ZGPAT: variants seen among roughly 807,000 people sequenced by gnomAD.
ZGPAT encodes zinc finger CCCH-type and G-patch domain containing, also known as zinc finger CCCH-type with G patch domain-containing protein.
In ZGPAT, 39 loss-of-function variants were observed where a neutral mutation model predicts 47.9. The ratio of observed to expected loss-of-function variants is 0.81; its 90% CI spans 0.63 to 1.06. The LOEUF (loss-of-function observed/expected upper bound fraction) is 1.06, where lower values mean the gene tolerates loss of function less well. Ranked by LOEUF, ZGPAT falls within the 50% of genes least tolerant of loss-of-function variation. The pLI, the probability that ZGPAT is intolerant of heterozygous loss-of-function variation, is 0.00. For missense variants in ZGPAT, 717 were observed against 681.4 expected, an observed-to-expected ratio of 1.05 and a Z score of -0.58; for synonymous variants, 348 against 292.9, an observed-to-expected ratio of 1.19 and a Z score of -1.92.
chr20:63,731,405 G>A (rs1401019795), intron 2 of ZGPAT, among the ~76,000 whole-genome samples: 1 of 149,680 alleles, frequency 6.7e-6, no homozygotes. Flanking sequence ...GGCCCTTGGT[G>A]TGTGTGTATG....
intron 4 of ZGPAT, 173 bp downstream of exon 4, chr20:63,733,912 C>A: frequency 1.2e-6 from 1 of 800,390 alleles, no homozygotes; most frequent in Non-Finnish European, 1.9e-6. Flanking sequence ...CCGTGGCGGC[C>A]TTTATCTTCA....
At chr20:63,734,247 C>A in intron 4 of ZGPAT, 1 of 246,932 alleles carries the variant, frequency 4.0e-6, no homozygotes, top group African/African-American at 2.2e-5. Context: ...GTCACCTGAC[C>A]CAAGCATGGC....
At chr20:63,728,202 A>C (rs1379457701) in intron 2 of ZGPAT, among the ~76,000 whole-genome samples, 3 of 151,672 alleles carry the variant, frequency 2.0e-5, no homozygotes, top group African/African-American at 7.3e-5. Flanking sequence ...ATGCCTGGCT[A>C]ATTTTTTGTT....
intron 2 of ZGPAT, among the ~76,000 whole-genome samples, chr20:63,723,503 A>G (rs34675066): frequency 1.3e-5 from 1 of 74,794 alleles, no homozygotes; most frequent in Non-Finnish European, 2.7e-5. Context: ...TTCTCCTCTG[A>G]CATAGCTCCA....
intron 2 of ZGPAT, chr20:63,730,020 GCACACA>G (rs58067228): frequency 6.6e-6 from 1 of 151,224 alleles, no homozygotes; most frequent in Non-Finnish European, 1.5e-5. Context: ...ACTCTACTGC[GCACACA>G]CACACACACA....
In ZGPAT at chr20:63,709,161, G is replaced by T; in HGVS notation, c.581G>T (p.Cys194Phe). ...GGAAAGTGCCGCTTTAAGGAGAACTGCAGGTAAAGCCCTTTGTTGTCAGAT... is the reference window on the plus strand; with the variant it reads ...GGAAAGTGCCGCTTTAAGGAGAACTTCAGGTAAAGCCCTTTGTTGTCAGAT... ...LEGKCRFKENCRFSHGQVVSL... is the reference protein window; with the variant it reads ...LEGKCRFKENFRFSHGQVVSL... Residue 194 changes from cysteine to phenylalanine, a missense_variant, in exon 2 of 7, where the codon TGC becomes TTC. By Grantham distance (205) the Cys-to-Phe change is radical. Transcript: ENST00000355969. 1.2e-6 allele frequency: 2 copies of T among 1,609,078 alleles called. No homozygotes were observed. Among genetic ancestry groups the T allele is most frequent in the East Asian group, 2.2e-5 (1 of 44,880 alleles).
intron 2 of ZGPAT, among the ~76,000 whole-genome samples, chr20:63,724,363 T>TTA (rs375122843): frequency 7.4e-4 from 92 of 124,652 alleles, no homozygotes; most frequent in African/African-American, 2.6e-3. Flanking sequence ...AGACTCTGCC[T>TTA]AAAAAAAAAA....
chr20:63,728,461 C>T (rs2091865881), intron 2 of ZGPAT, among the ~76,000 whole-genome samples: 1 of 152,232 alleles, frequency 6.6e-6, no homozygotes, highest in Non-Finnish European at 1.5e-5. Flanking sequence ...CTCCCCACCA[C>T]ACCATGTGGT....
intron 2 of ZGPAT, among the ~76,000 whole-genome samples, chr20:63,731,898 C>T (rs748424103): frequency 6.6e-6 from 1 of 152,188 alleles, no homozygotes; most frequent in Non-Finnish European, 1.5e-5. Flanking sequence ...TGCAAGTAAT[C>T]TAGGGATGAT....
At chr20:63,722,467 G>A (rs917079378) in intron 2 of ZGPAT, among the ~76,000 whole-genome samples, 7 of 152,092 alleles carry the variant, frequency 4.6e-5, no homozygotes, top group Admixed American at 6.6e-5. Flanking sequence ...CTGGAGAGAC[G>A]GATCTTTGGA....
chr20:63,724,363 T>TGAAAAA (rs375122843), intron 2 of ZGPAT, among the ~76,000 whole-genome samples: 1 of 124,672 alleles, frequency 8.0e-6, no homozygotes, highest in Non-Finnish European at 1.6e-5. Context: ...AGACTCTGCC[T>TGAAAAA]AAAAAAAAAA....
rs1275557137 is a variant in ZGPAT at position 63,725,793 on chromosome 20, T to C, written c.585-7426T>C. ...TTTTTTTTTTTTCCAACCTTTTTTC[T>C]CCTTATTCCTCAAACTGGATTATTT... is the stretch of plus-strand genomic sequence containing the variant. On this transcript the variant is annotated intron_variant, in intron 2 of 6. Transcript: ENST00000355969. Among the ~76,000 whole-genome samples, 3 of 151,080 alleles carry C rather than the reference T, an allele frequency of 2.0e-5. No individual in the cohort carries two copies. The East Asian group carries it at 5.8e-4, about 29-fold the overall frequency.
At chr20:63,725,852 G>T (rs1568794132) in intron 2 of ZGPAT, among the ~76,000 whole-genome samples, 1 of 148,270 alleles carries the variant, frequency 6.7e-6, no homozygotes, top group South Asian at 2.1e-4. Flanking sequence ...AATTTTTTGA[G>T]ACGGAGTTTT....
intron 2 of ZGPAT, among the ~76,000 whole-genome samples, chr20:63,716,476 T>C (rs2091729890): frequency 6.6e-6 from 1 of 152,158 alleles, no homozygotes; most frequent in African/African-American, 2.4e-5. Flanking sequence ...AGCTCCACTT[T>C]CTCTCTTGGT....
intron 2 of ZGPAT, among the ~76,000 whole-genome samples, chr20:63,725,296 A>AGGAC (rs2091834093): frequency 6.6e-6 from 1 of 152,216 alleles, no homozygotes; most frequent in Non-Finnish European, 1.5e-5. Context: ...AATTTCTTGT[A>AGGAC]GGACAGGCTT....
chr20:63,710,310 A>G (rs942923109), intron 2 of ZGPAT, among the ~76,000 whole-genome samples: 2 of 147,600 alleles, frequency 1.4e-5, no homozygotes, highest in Admixed American at 1.4e-4. Flanking sequence ...CCGCCACCAC[A>G]CTGGGCTAAT....
chr20:63,728,344 T>C (rs1482478188), intron 2 of ZGPAT, among the ~76,000 whole-genome samples: 1 of 152,202 alleles, frequency 6.6e-6, no homozygotes, highest in Non-Finnish European at 1.5e-5. Context: ...CCTTAAATTC[T>C]ATTTTTTAGT....
chr20:63,726,102 G>A lies in ZGPAT; in HGVS notation c.585-7117G>A, dbSNP rs2427528. Among the ~76,000 whole-genome samples the A allele has an allele frequency of 7.8e-3, 1,185 of 151,874 alleles. 41 individuals are homozygous for A. The East Asian group carries it at 0.1, about 13-fold the overall frequency. On this transcript the variant is annotated intron_variant, in intron 2 of 6. Coordinates refer to ENST00000355969, the MANE Select transcript of ZGPAT (RefSeq NM_181485.3). ...GAACCACCTGCCTCAGCCTCCCAAA[G>A]TACTAGGATTACAGTCGTGAGCCAC...
intron 2 of ZGPAT, among the ~76,000 whole-genome samples, chr20:63,723,110 GAC>G (rs2091805454): frequency 6.7e-6 from 1 of 148,378 alleles, no homozygotes; most frequent in Admixed American, 6.7e-5. Context: ...CTTCTCCTAT[GAC>G]ACAGCTCCAT....
Sources: gnomAD v4.1 joint callset for allele counts (sites outside exome capture counted in the v4.1 genomes callset) on GRCh38, gnomAD v4.1.1 for gene constraint, MANE v1.5 for transcripts, NCBI Gene and HGNC (gene_info 2026-07-23, HGNC 2026-07-21) for gene names.